The following ATRNL1 variants were observed in gnomAD, a reference collection of about 807,000 sequenced individuals.
ATRNL1 encodes attractin-like protein 1.
A neutral mutation model predicts 182.7 loss-of-function variants in ATRNL1; 95 were observed. That is an observed-to-expected ratio of 0.52 (90% CI 0.44 to 0.62). The LOEUF is 0.62. Among genes scored for constraint, ATRNL1 ranks in the 20% least tolerant of loss-of-function variants. The probability of loss-of-function intolerance (pLI) is 0.00; values close to 1 mark genes in which losing one functional copy is unlikely to be tolerated. For synonymous variants in ATRNL1, 576 were observed against 568.3 expected, an observed-to-expected ratio of 1.01 and a Z score of -0.19; for missense variants, 1,471 against 1,679.5, an observed-to-expected ratio of 0.88 and a Z score of 2.17.
At chr10:115,334,238 ATAT>A (rs782204274) in intron 18 of ATRNL1, 41 bp from the exon 19 acceptor site, 3 of 1,291,472 alleles carry the variant, frequency 2.3e-6, no homozygotes, top group Non-Finnish European at 3.1e-6. Context: ...ATTATACTTG[ATAT>A]TATGTTAGAT....
intron 26 of ATRNL1, among the ~76,000 whole-genome samples, chr10:115,615,613 G>A (rs1264173323): frequency 2.0e-5 from 3 of 152,106 alleles, no homozygotes; most frequent in African/African-American, 7.2e-5. Context: ...GGTTGGAGGT[G>A]ATTGGATCAT....
intron 26 of ATRNL1, among the ~76,000 whole-genome samples, chr10:115,553,457 C>T (rs1853120401): frequency 6.6e-6 from 1 of 151,218 alleles, no homozygotes; most frequent in Admixed American, 6.6e-5. Flanking sequence ...AACTTTACCA[C>T]ACTACTTTTT....
chr10:115,314,117 C>T (rs1435621527), intron 17 of ATRNL1, among the ~76,000 whole-genome samples: 6 of 152,094 alleles, frequency 3.9e-5, no homozygotes, highest in African/African-American at 1.4e-4. Context: ...AAGACTGTGT[C>T]AATGAATTAT....
At chr10:115,098,586 C>T (rs2085079863) in intron 1 of ATRNL1, among the ~76,000 whole-genome samples, 1 of 150,880 alleles carries the variant, frequency 6.6e-6, no homozygotes, top group East Asian at 1.9e-4. Flanking sequence ...TTCAGCCTCC[C>T]GAGTAGCTGG....
At chr10:115,774,161 C>A (rs1395619649) in intron 27 of ATRNL1, among the ~76,000 whole-genome samples, 2 of 152,062 alleles carry the variant, frequency 1.3e-5, no homozygotes, top group Non-Finnish European at 2.9e-5. Flanking sequence ...CTGGTTGTGC[C>A]AAACACTAAA....
At chr10:115,195,398 T>C (rs1848322708) in intron 8 of ATRNL1, among the ~76,000 whole-genome samples, 1 of 152,114 alleles carries the variant, frequency 6.6e-6, no homozygotes, top group African/African-American at 2.4e-5. Flanking sequence ...TTGGATGTTT[T>C]CTTTCCTTCA....
intron 24 of ATRNL1, among the ~76,000 whole-genome samples, chr10:115,483,666 C>G (rs924749898): frequency 6.6e-6 from 1 of 151,326 alleles, no homozygotes; most frequent in African/African-American, 2.4e-5. Flanking sequence ...TAGAAGAAAT[C>G]GTGTAATTAT....
At chr10:115,594,476 T>C (rs550475090) in intron 26 of ATRNL1, among the ~76,000 whole-genome samples, 1 of 152,304 alleles carries the variant, frequency 6.6e-6, no homozygotes, top group East Asian at 1.9e-4. Context: ...AACTGTAGGA[T>C]AAGAAAATAA....
intron 26 of ATRNL1, among the ~76,000 whole-genome samples, chr10:115,593,177 A>G (rs1592915421): frequency 6.6e-6 from 1 of 152,196 alleles, no homozygotes; most frequent in Non-Finnish European, 1.5e-5. Context: ...TCCTTTTATA[A>G]TAAGCCCATT....
intron 27 of ATRNL1, among the ~76,000 whole-genome samples, chr10:115,818,473 T>C (rs1245940725): frequency 1.3e-5 from 2 of 152,118 alleles, no homozygotes; most frequent in Non-Finnish European, 2.9e-5. Context: ...AGTTTTATTA[T>C]AAGGATTTTA....
chr10:115,611,054 C>CT (rs3086300), intron 26 of ATRNL1, among the ~76,000 whole-genome samples: 17 of 147,108 alleles, frequency 1.2e-4, no homozygotes, highest in African/African-American at 1.5e-4. Context: ...TTTCAAAGGA[C>CT]TTTTTTTTTT....
intron 28 of ATRNL1, among the ~76,000 whole-genome samples, chr10:115,944,349 C>CAG (rs1555124940): frequency 2.0e-5 from 3 of 150,610 alleles, no homozygotes; most frequent in Non-Finnish European, 1.5e-5. Context: ...AACTCGTGTT[C>CAG]AGACATGGAG....
At chr10:115,405,705 ATTATAC>A (rs1844791368) in intron 20 of ATRNL1, among the ~76,000 whole-genome samples, 1 of 149,980 alleles carries the variant, frequency 6.7e-6, no homozygotes, top group South Asian at 2.1e-4. Flanking sequence ...TTTTTTTTTA[ATTATAC>A]TTTAAGTTTT....
chr10:115,547,613 C>G (rs1852742908), intron 25 of ATRNL1, among the ~76,000 whole-genome samples: 1 of 151,954 alleles, frequency 6.6e-6, no homozygotes, highest in Non-Finnish European at 1.5e-5. Context: ...TAAGGAATAT[C>G]CGTAATTTAA....
chr10:115,694,095 CTCTT>C (rs1291132774), intron 26 of ATRNL1, among the ~76,000 whole-genome samples: 1 of 151,816 alleles, frequency 6.6e-6, no homozygotes, highest in Non-Finnish European at 1.5e-5. Flanking sequence ...TTATCTATGC[CTCTT>C]TCTATTTGCC....
intron 28 of ATRNL1, among the ~76,000 whole-genome samples, chr10:115,855,622 A>G (rs1162028146): frequency 6.6e-6 from 1 of 152,226 alleles, no homozygotes; most frequent in Non-Finnish European, 1.5e-5. Context: ...CAAAAGATGT[A>G]TACTCCACAA....
rs551006674 is a variant in ATRNL1, at chr10:115,777,097, G to A, written c.3903+49742G>A. Among the ~76,000 whole-genome samples, 4 of 152,296 alleles carry A rather than the reference G, an allele frequency of 2.6e-5. No individual in the cohort carries two copies. In the South Asian group the frequency reaches 8.3e-4, roughly 32 times the overall value. ...GAACAAACTGATAGATCTGTGATGA[G>A]GTTGTGATAAAGCAAATGTAGCAAA... On this transcript the variant is annotated intron_variant, in intron 27 of 28. Coordinates refer to ENST00000355044, the MANE Select transcript of ATRNL1 (RefSeq NM_207303.4).
chr10:115,455,500 T>C (rs1847478804), intron 21 of ATRNL1, among the ~76,000 whole-genome samples: 1 of 152,000 alleles, frequency 6.6e-6, no homozygotes, highest in Non-Finnish European at 1.5e-5. Flanking sequence ...AAGGATTAAA[T>C]ATTTAAAGTA....
At chr10:115,813,517 C>A (rs542866407) in intron 27 of ATRNL1, among the ~76,000 whole-genome samples, 2 of 152,256 alleles carry the variant, frequency 1.3e-5, no homozygotes, top group South Asian at 2.1e-4. Context: ...GAAAGAATAT[C>A]AAAAACTGAT....
Sources: allele counts gnomAD v4.1 joint callset (sites outside exome capture counted in the v4.1 genomes callset), GRCh38; gene constraint gnomAD v4.1.1; transcripts MANE v1.5; gene names NCBI Gene and HGNC (gene_info 2026-07-23, HGNC 2026-07-21).